CLASP2: variants seen among roughly 807,000 people sequenced by gnomAD.
CLASP2 encodes the protein CLIP-associating protein 2.
CLASP2 carries 47 observed loss-of-function variants against 194.4 expected under a neutral mutation model. The ratio of observed to expected loss-of-function variants is 0.24; its 90% CI spans 0.19 to 0.31. The LOEUF (loss-of-function observed/expected upper bound fraction) is 0.31. Ranked by LOEUF, CLASP2 falls within the 10% of genes least tolerant of loss-of-function variation. The pLI, the probability that CLASP2 is intolerant of heterozygous loss-of-function variation, is 1.00. For missense variants in CLASP2, 1,445 were observed against 1,823.6 expected (o/e 0.79, Z 3.78); for synonymous variants, 619 against 633.5 (o/e 0.98, Z 0.34).
At chr3:33,576,320 T>C (rs1351418730) in intron 23 of CLASP2, 45 bp from the exon 24 acceptor site, 4 of 1,478,630 alleles carry the variant, frequency 2.7e-6, no homozygotes, top group African/African-American at 2.8e-5. Flanking sequence ...GAGTCATAAA[T>C]ATAACAGTGT....
chr3:33,523,525 A>C (rs2053712055), intron 34 of CLASP2, among the ~76,000 whole-genome samples: 1 of 152,214 alleles, frequency 6.6e-6, no homozygotes, highest in Non-Finnish European at 1.5e-5. Context: ...CAAAGTGCTA[A>C]AAGAAAAAAA....
intron 22 of CLASP2, among the ~76,000 whole-genome samples, chr3:33,583,877 C>T (rs1342849481): frequency 6.6e-6 from 1 of 151,946 alleles, no homozygotes; most frequent in African/African-American, 2.4e-5. Context: ...ACAAAGTCAG[C>T]AACATGGTTG....
At chr3:33,563,806 C>T (rs918881871) in intron 27 of CLASP2, among the ~76,000 whole-genome samples, 9 of 152,204 alleles carry the variant, frequency 5.9e-5, no homozygotes, top group Non-Finnish European at 1.3e-4. Context: ...CCTTCACTGT[C>T]TGTAAGATAA....
At chr3:33,615,706 C>G (rs2076032500) in intron 12 of CLASP2, among the ~76,000 whole-genome samples, 1 of 151,866 alleles carries the variant, frequency 6.6e-6, no homozygotes, top group South Asian at 2.1e-4. Flanking sequence ...TGATGACATA[C>G]TAGAACACAA....
intron 35 of CLASP2, 25 bp downstream of exon 35, chr3:33,516,956 A>G: frequency 1.3e-6 from 2 of 1,582,332 alleles, no homozygotes; most frequent in Non-Finnish European, 1.7e-6. Context: ...AGGAAAGGCT[A>G]CTGTTTACAT....
In CLASP2 at chr3:33,581,321, T is replaced by G. The variant is rs368736762; in HGVS notation, c.2347+500A>C. Among the ~76,000 whole-genome samples, 75 of 152,340 alleles carry G rather than the reference T, an allele frequency of 4.9e-4. 1 individual carries two copies. The South Asian group carries it at 0.014, about 29-fold the overall frequency. On this transcript the variant is annotated intron_variant, in intron 23 of 38. Transcript: ENST00000682230. Reference sequence around the variant, plus strand: ...AGAGCATTAGCTCATAGGAAATGACTGTTAAACTGTAAAATATTATAAAAA... The same window carrying G: ...AGAGCATTAGCTCATAGGAAATGACGGTTAAACTGTAAAATATTATAAAAA...
At chr3:33,679,043 AAG>A (rs1298167077) in intron 6 of CLASP2, among the ~76,000 whole-genome samples, 2 of 152,228 alleles carry the variant, frequency 1.3e-5, no homozygotes, top group African/African-American at 4.8e-5. Flanking sequence ...GTATTAGTGA[AAG>A]AACAGACAAA....
chr3:33,602,901 C>G, intron 18 of CLASP2, 51 bp downstream of exon 18: 1 of 1,520,298 alleles, frequency 6.6e-7, no homozygotes, highest in Non-Finnish European at 9.0e-7. Context: ...CTTGTCTTCA[C>G]AGAGATCAGG....
chr3:33,580,802 T>C (rs912418033), intron 23 of CLASP2, among the ~76,000 whole-genome samples: 1 of 151,254 alleles, frequency 6.6e-6, no homozygotes, highest in Non-Finnish European at 1.5e-5. Flanking sequence ...GATCATGAGG[T>C]CAGGAGATCG....
At chr3:33,619,024 T>C (rs148280993) in intron 12 of CLASP2, among the ~76,000 whole-genome samples, 2 of 152,324 alleles carry the variant, frequency 1.3e-5, no homozygotes, top group Admixed American at 6.5e-5. Context: ...TTAAGGCCTA[T>C]TGCTCCTAGG....
At chr3:33,596,035 A>C (rs969403836) in intron 19 of CLASP2, among the ~76,000 whole-genome samples, 6 of 151,950 alleles carry the variant, frequency 3.9e-5, no homozygotes, top group African/African-American at 7.2e-5. Flanking sequence ...TTAGTATCTT[A>C]AGTTATTTAA....
rs757542082 is a variant in CLASP2 at position 33,538,858 on chromosome 3, G to A, written c.3489C>T (p.Phe1163=). The change falls in exon 33 of 39, where the codon TTC becomes TTT. Residue 1163 remains phenylalanine, a synonymous_variant. Coordinates refer to ENST00000682230, the MANE Select transcript of CLASP2 (RefSeq NM_001365631.1). The part of the protein sequence containing the change: ...LRGVTEAIQN[F]SFRSQEDMNE... The stretch of plus-strand genomic sequence containing the variant: ...TCATATCTTCTTGGCTACGGAAGCT[G>A]AAATTCTGGATTGCTTCAGTGACAC... The A allele has an allele frequency of 1.2e-6, 2 of 1,607,920 alleles. No individual in the cohort carries two copies. The highest frequency in any genetic ancestry group is 1.1e-5 in the South Asian group (1 of 89,764).
intron 5 of CLASP2, among the ~76,000 whole-genome samples, chr3:33,686,825 C>T (rs2090737177): frequency 6.6e-6 from 1 of 152,128 alleles, no homozygotes; most frequent in Non-Finnish European, 1.5e-5. Flanking sequence ...CAAGAACTAA[C>T]CATTAAGTCC....
At chr3:33,708,278 ATTTGAC>A (rs1357813019) in intron 1 of CLASP2, among the ~76,000 whole-genome samples, 1 of 150,010 alleles carries the variant, frequency 6.7e-6, no homozygotes. Context: ...CTATCTATAA[ATTTGAC>A]TTTTTTTTTT....
chr3:33,685,243 G>A (rs1352411765), intron 5 of CLASP2, among the ~76,000 whole-genome samples: 2 of 147,186 alleles, frequency 1.4e-5, no homozygotes, highest in Non-Finnish European at 3.0e-5. Context: ...TTGAGAGGCC[G>A]AGGCAGGAGA....
intron 23 of CLASP2, chr3:33,576,508 C>G: frequency 2.2e-6 from 1 of 449,912 alleles, no homozygotes; most frequent in Non-Finnish European, 4.1e-6. Flanking sequence ...TATTCATTTA[C>G]AACCACAAGG....
At position 33,555,806 on chromosome 3, in the gene CLASP2, C is replaced by T. The variant is rs182779882; in HGVS notation, c.3009+3501G>A. On this transcript the variant is annotated intron_variant, in intron 29 of 38. Coordinates refer to ENST00000682230, the MANE Select transcript of CLASP2 (RefSeq NM_001365631.1). ...ATCAATAACTGAATATATTTATTTA[C>T]ACTATGTGAGATTCAACTAGTGCAG... 3.9e-5 allele frequency among the ~76,000 whole-genome samples: 6 copies of T among 152,304 alleles called. No homozygotes were observed. In the East Asian group the frequency reaches 9.6e-4, roughly 24 times the overall value.
intron 6 of CLASP2, among the ~76,000 whole-genome samples, chr3:33,681,607 A>C (rs893962033): frequency 6.6e-6 from 1 of 152,256 alleles, no homozygotes; most frequent in African/African-American, 2.4e-5. Context: ...ATAAACTGTC[A>C]GCTTATTCAA....
intron 8 of CLASP2, among the ~76,000 whole-genome samples, chr3:33,638,695 TC>T (rs1172985367): frequency 1.3e-5 from 2 of 152,230 alleles, no homozygotes; most frequent in African/African-American, 4.8e-5. Flanking sequence ...TATTCACATG[TC>T]CTTTATAGAA....
Sources: allele counts gnomAD v4.1 joint callset (sites outside exome capture counted in the v4.1 genomes callset), GRCh38; gene constraint gnomAD v4.1.1; transcripts MANE v1.5; gene names NCBI Gene and HGNC (gene_info 2026-07-23, HGNC 2026-07-21).